The following CHRM3 variants were observed in gnomAD, a reference collection of about 807,000 sequenced individuals.
CHRM3 encodes muscarinic acetylcholine receptor M3.
In CHRM3, 11 loss-of-function variants were observed where a neutral mutation model predicts 41.8. The ratio of observed to expected loss-of-function variants is 0.26; its 90% CI spans 0.17 to 0.44. The LOEUF (loss-of-function observed/expected upper bound fraction) is 0.44, where lower values mean the gene tolerates loss of function less well. Ranked by LOEUF, CHRM3 falls within the 20% of genes least tolerant of loss-of-function variation. CHRM3 has a pLI of 1.00. For missense variants in CHRM3, 571 were observed against 745.4 expected (o/e 0.77, Z 2.72); for synonymous variants, 297 against 301.4 (o/e 0.99, Z 0.15).
intron 3 of CHRM3, among the ~76,000 whole-genome samples, chr1:239,556,478 A>G (rs1393945277): frequency 6.6e-6 from 1 of 152,164 alleles, no homozygotes; most frequent in Admixed American, 6.6e-5. Flanking sequence ...TTTTTCCACT[A>G]CTTCACATGG....
Position 239,716,849 on chromosome 1 carries a change from T to A in CHRM3, c.-147+38561T>A, listed in dbSNP as rs1662425719. ...AAATGAGAATGTACAGGAGGGTTCA[T>A]TTGGTTTATTTGTATGTGTATTTGG... On this transcript the variant is annotated intron_variant, in intron 5 of 6. Transcript: ENST00000676153. Among the ~76,000 whole-genome samples the A allele has an allele frequency of 2.6e-5, 4 of 152,140 alleles. No individual in the cohort carries two copies. The South Asian group carries it at 8.3e-4, about 32-fold the overall frequency.
At chr1:239,728,727 C>T (rs1467409215) in intron 5 of CHRM3, among the ~76,000 whole-genome samples, 1 of 151,936 alleles carries the variant, frequency 6.6e-6, no homozygotes, top group Non-Finnish European at 1.5e-5. Flanking sequence ...ATTCTAACTT[C>T]TACTCAAGGA....
At chr1:239,859,831 A>ATT (rs1377645989) in intron 6 of CHRM3, among the ~76,000 whole-genome samples, 2 of 42,782 alleles carry the variant, frequency 4.7e-5, no homozygotes, top group Admixed American at 5.1e-4. Flanking sequence ...ATATATATAT[A>ATT]TATATATATA....
chr1:239,630,794 C>G (rs924427874), intron 3 of CHRM3, among the ~76,000 whole-genome samples: 2 of 152,150 alleles, frequency 1.3e-5, no homozygotes, highest in Non-Finnish European at 2.9e-5. Context: ...CACTTACACC[C>G]TCAACCTCAG....
At chr1:239,591,131 C>T (rs908259756) in intron 3 of CHRM3, among the ~76,000 whole-genome samples, 1 of 152,196 alleles carries the variant, frequency 6.6e-6, no homozygotes, top group Non-Finnish European at 1.5e-5. Context: ...ATATTTATCT[C>T]TAGGCTAGCC....
chr1:239,818,840 C>G (rs1374509473), intron 5 of CHRM3, among the ~76,000 whole-genome samples: 2 of 152,152 alleles, frequency 1.3e-5, no homozygotes, highest in Non-Finnish European at 2.9e-5. Context: ...CAGAGTTACC[C>G]TCCTAACAGG....
chr1:239,496,543 G>A (rs1047467692), intron 2 of CHRM3, among the ~76,000 whole-genome samples: 103 of 144,690 alleles, frequency 7.1e-4, no homozygotes, highest in African/African-American at 2.6e-3. Flanking sequence ...GTGTGTGTGT[G>A]TATAATTATA....
intron 5 of CHRM3, among the ~76,000 whole-genome samples, chr1:239,721,192 A>G (rs1662940058): frequency 6.6e-6 from 1 of 151,914 alleles, no homozygotes; most frequent in Non-Finnish European, 1.5e-5. Flanking sequence ...GATACGATAA[A>G]AGAGTACAGA....
intron 1 of CHRM3, among the ~76,000 whole-genome samples, chr1:239,390,188 C>A (rs561836761): frequency 6.6e-6 from 1 of 152,154 alleles, no homozygotes; most frequent in Non-Finnish European, 1.5e-5. Flanking sequence ...CCCTCTACCA[C>A]GTTTACTTTT....
At chr1:239,534,182 G>A (rs1188855760) in intron 2 of CHRM3, among the ~76,000 whole-genome samples, 1 of 152,034 alleles carries the variant, frequency 6.6e-6, no homozygotes, top group Non-Finnish European at 1.5e-5. Context: ...ACAAAAATTA[G>A]CCAGGCCTGG....
At chr1:239,756,453 G>A (rs571963389) in intron 5 of CHRM3, among the ~76,000 whole-genome samples, 2 of 152,148 alleles carry the variant, frequency 1.3e-5, no homozygotes, top group South Asian at 4.1e-4. Flanking sequence ...CTTATTTGTG[G>A]ATTAGAATTC....
chr1:239,884,094 G>T (rs2102895373), intron 6 of CHRM3, among the ~76,000 whole-genome samples: 1 of 152,294 alleles, frequency 6.6e-6, no homozygotes, highest in East Asian at 1.9e-4. Context: ...ACTATAGTGG[G>T]TTGAATGATG....
intron 5 of CHRM3, among the ~76,000 whole-genome samples, chr1:239,796,878 C>T (rs903154866): frequency 6.6e-6 from 1 of 152,076 alleles, no homozygotes; most frequent in Non-Finnish European, 1.5e-5. Context: ...TCTCCAGTAT[C>T]TACTATTCCA....
intron 6 of CHRM3, among the ~76,000 whole-genome samples, chr1:239,883,650 A>G (rs1483257270): frequency 6.6e-6 from 1 of 152,202 alleles, no homozygotes; most frequent in Non-Finnish European, 1.5e-5. Flanking sequence ...GCCTTGGGGC[A>G]CAAAAGTAGT....
chr1:239,571,707 G>A (rs545175896), intron 3 of CHRM3, among the ~76,000 whole-genome samples: 12 of 152,194 alleles, frequency 7.9e-5, no homozygotes, highest in Admixed American at 5.9e-4. Flanking sequence ...TTACACTCTC[G>A]TGTGCCCAGT....
chr1:239,504,402 A>C (rs1668431755), intron 2 of CHRM3, among the ~76,000 whole-genome samples: 1 of 152,180 alleles, frequency 6.6e-6, no homozygotes, highest in Non-Finnish European at 1.5e-5. Flanking sequence ...ATAATCAAAA[A>C]ATCAAAAAAC....
chr1:239,520,074 A>G (rs1440393813), intron 2 of CHRM3, among the ~76,000 whole-genome samples: 12 of 152,170 alleles, frequency 7.9e-5, no homozygotes, highest in Non-Finnish European at 1.8e-4. Context: ...GTATTGTCTC[A>G]TATACCAAAT....
chr1:239,711,721 A>C (rs1572062133), intron 5 of CHRM3, among the ~76,000 whole-genome samples: 2 of 144,920 alleles, frequency 1.4e-5, no homozygotes, highest in African/African-American at 2.6e-5. Context: ...ACAGGGTCTC[A>C]CTCTGTTGCC....
chr1:239,782,058 A>G (rs1170942101), intron 5 of CHRM3, among the ~76,000 whole-genome samples: 2 of 152,104 alleles, frequency 1.3e-5, no homozygotes, highest in African/African-American at 2.4e-5. Context: ...CTTAAGCAAT[A>G]CTGGTCTATA....
Sources: allele counts gnomAD v4.1 joint callset (sites outside exome capture counted in the v4.1 genomes callset), GRCh38; gene constraint gnomAD v4.1.1; transcripts MANE v1.5; gene names NCBI Gene and HGNC (gene_info 2026-07-23, HGNC 2026-07-21).